The following GDPD4 variants were observed in gnomAD, a reference collection of about 807,000 sequenced individuals.
GDPD4 encodes the protein glycerophosphodiester phosphodiesterase 6.
GDPD4 carries 60 observed loss-of-function variants against 67.8 expected under a neutral mutation model. The ratio of observed to expected loss-of-function variants is 0.88; its 90% CI spans 0.72 to 1.10. GDPD4 has a LOEUF of 1.10. Among genes scored for constraint, GDPD4 ranks in the 50% least tolerant of loss-of-function variants. The pLI is 0.00. For synonymous variants in GDPD4, 212 were observed against 210.9 expected (o/e 1.00, Z -0.04); for missense variants, 623 against 613.9 (o/e 1.01, Z -0.16).
intron 16 of GDPD4, among the ~76,000 whole-genome samples, chr11:77,223,462 T>C (rs781539429): frequency 3.3e-5 from 5 of 152,192 alleles, no homozygotes; most frequent in Non-Finnish European, 7.3e-5. Flanking sequence ...TGCAGGTCTA[T>C]TGGGGGAGTT....
chr11:77,280,644 C>G (rs561817177), intron 3 of GDPD4, among the ~76,000 whole-genome samples: 2 of 152,282 alleles, frequency 1.3e-5, no homozygotes, highest in East Asian at 3.9e-4. Flanking sequence ...TTTTGGATAT[C>G]AGATCACATG....
In GDPD4 at chr11:77,268,554, G is replaced by A. The variant is rs1030910897; in HGVS notation, c.625-15C>T. On this transcript the variant is annotated splice_polypyrimidine_tract_variant and intron_variant, in intron 9 of 16. Coordinates refer to ENST00000315938, the MANE Select transcript of GDPD4 (RefSeq NM_182833.3). Reference sequence around the variant, plus strand: ...TCAGGCCCCAACTGTAGAAGAAAAGGACATCAGGCCCTAAGCCTCAGAGTC... The same window carrying A: ...TCAGGCCCCAACTGTAGAAGAAAAGAACATCAGGCCCTAAGCCTCAGAGTC... 1.9e-6 allele frequency: 3 copies of A among 1,579,360 alleles called. No homozygotes were observed. The highest frequency in any genetic ancestry group is 1.4e-5 in the African/African-American group (1 of 73,622).
chr11:77,269,187 G>T, intron 8 of GDPD4, 118 bp from the exon 9 acceptor site: 1 of 796,796 alleles, frequency 1.3e-6, no homozygotes, highest in Non-Finnish European at 2.0e-6. Flanking sequence ...CATTGACTGT[G>T]TACTGGCTAA....
intron 11 of GDPD4, among the ~76,000 whole-genome samples, chr11:77,250,938 A>T (rs1391450820): frequency 1.3e-5 from 2 of 152,218 alleles, no homozygotes; most frequent in Non-Finnish European, 2.9e-5. Flanking sequence ...TTTTGGAACT[A>T]AACTCTGTTT....
At chr11:77,283,780 T>C (rs1591576308) in intron 3 of GDPD4, among the ~76,000 whole-genome samples, 1 of 151,928 alleles carries the variant, frequency 6.6e-6, no homozygotes, top group East Asian at 1.9e-4. Flanking sequence ...TTTAATGCTG[T>C]CATATACCTC....
At chr11:77,235,036 T>TTTTTTTTTTTTC (rs1958532944) in intron 13 of GDPD4, among the ~76,000 whole-genome samples, 1 of 104,596 alleles carries the variant, frequency 9.6e-6, no homozygotes, top group Admixed American at 1.1e-4. Context: ...TTTTTTTTTT[T>TTTTTTTTTTTTC]TGACTTTTTA....
At chr11:77,225,869 G>A (rs1256062873) in intron 16 of GDPD4, among the ~76,000 whole-genome samples, 1 of 152,130 alleles carries the variant, frequency 6.6e-6, no homozygotes, top group Non-Finnish European at 1.5e-5. Context: ...CTGTGGTTAT[G>A]GCTGAGGTCC....
intron 1 of GDPD4, among the ~76,000 whole-genome samples, chr11:77,296,197 G>A (rs1937951690): frequency 6.9e-6 from 1 of 145,238 alleles, no homozygotes; most frequent in Non-Finnish European, 1.5e-5. Context: ...CTTGCAGTGA[G>A]CAGAGATCGC....
At chr11:77,282,766 C>T (rs1405564853) in intron 3 of GDPD4, among the ~76,000 whole-genome samples, 1 of 151,584 alleles carries the variant, frequency 6.6e-6, no homozygotes, top group African/African-American at 2.4e-5. Context: ...TGGATGTAAG[C>T]TCAAATAAAA....
Position 77,271,145 on chromosome 11 carries a change from A to G in GDPD4, c.385T>C (p.Cys129Arg), listed in dbSNP as rs1489525523. 6.2e-7 allele frequency: 1 copy of G among 1,610,526 alleles called. No individual in the cohort carries two copies. Among genetic ancestry groups the G allele is most frequent in the Non-Finnish European group, 8.5e-7 (1 of 1,177,824 alleles). The change falls in exon 7 of 17, where the codon TGT becomes CGT. Residue 129 changes from cysteine to arginine, a missense_variant. Physicochemically the swap from Cys to Arg is radical, Grantham distance 180. Coordinates refer to ENST00000315938, the MANE Select transcript of GDPD4 (RefSeq NM_182833.3). ...TGTGACATACCTTCTCTTTCCAAAC[A>G]TGCCACGTAGAAGGCCACAGGCCAG... ...LFWPVAFYVA[C>R]LEREVRMRRY...
In GDPD4 at chr11:77,216,571, G is replaced by C. The variant is rs1049280119; in HGVS notation, c.*706C>G. ...ACTACCTCTGGCTTCCTGAGAGGTT[G>C]CCTTTACTTATATGCACAGTCACTC... On this transcript the variant is annotated 3_prime_UTR_variant, in exon 17 of 17. Coordinates refer to ENST00000315938, the MANE Select transcript of GDPD4 (RefSeq NM_182833.3). 3.9e-6 allele frequency: 1 copy of C among 259,464 alleles called. No individual in the cohort carries two copies. The highest frequency in any genetic ancestry group is 2.2e-5 in the African/African-American group (1 of 45,108). The allele number at this position is 259,464 out of a possible 1,614,324, so 16.1% of individuals were successfully genotyped here.
chr11:77,266,330 T>C (rs951889402), intron 10 of GDPD4, among the ~76,000 whole-genome samples: 1 of 152,156 alleles, frequency 6.6e-6, no homozygotes, highest in African/African-American at 2.4e-5. Flanking sequence ...GCCGTAATAT[T>C]GTAGCACAAT....
chr11:77,241,116 A>G (rs571374518), intron 13 of GDPD4, among the ~76,000 whole-genome samples: 1 of 152,354 alleles, frequency 6.6e-6, no homozygotes, highest in Admixed American at 6.5e-5. Context: ...TGTCAAAGAG[A>G]TATCTGTACT....
chr11:77,220,240 C>G (rs1213139154), intron 16 of GDPD4, among the ~76,000 whole-genome samples: 5 of 152,224 alleles, frequency 3.3e-5, no homozygotes, highest in Non-Finnish European at 5.9e-5. Flanking sequence ...ACTTCCAACA[C>G]TATGTTGAAT....
At chr11:77,254,864 T>C (rs1361817929) in intron 11 of GDPD4, among the ~76,000 whole-genome samples, 1 of 152,188 alleles carries the variant, frequency 6.6e-6, no homozygotes, top group Non-Finnish European at 1.5e-5. Flanking sequence ...GATCAATCAA[T>C]AATCATACCC....
intron 1 of GDPD4, among the ~76,000 whole-genome samples, chr11:77,290,231 G>T (rs966888523): frequency 1.3e-4 from 20 of 152,190 alleles, no homozygotes; most frequent in African/African-American, 4.8e-4. Flanking sequence ...CACGATAGGA[G>T]AGGATGGCCT....
Position 77,296,250 on chromosome 11 carries a change from CA to C in GDPD4, c.-254+5354del, listed in dbSNP as rs200238027. Among the ~76,000 whole-genome samples, 691 of 103,370 alleles carry C rather than the reference CA, an allele frequency of 6.7e-3. 7 individuals carry two copies. Among genetic ancestry groups the C allele is most frequent in the African/African-American group, 0.022 (578 of 26,726 alleles). The allele number at this position is 103,370 out of a possible 152,430, so 67.8% of individuals were successfully genotyped here. ...TGCGGGACAGAGCAAGACTTCGTCT[CA>C]AAAAAAAAAAAAAAAAAAGAAAAGA... is the stretch of plus-strand genomic sequence containing the variant. On this transcript the variant is annotated intron_variant, in intron 1 of 16. Transcript: ENST00000315938.
intron 11 of GDPD4, among the ~76,000 whole-genome samples, chr11:77,248,191 T>C (rs79812066): frequency 0.024 from 3,666 of 150,458 alleles, 166 homozygotes; most frequent in African/African-American, 0.085. Context: ...TGAACAACAA[T>C]ACAATTTTCT....
At position 77,289,399 on chromosome 11, in the gene GDPD4, C is replaced by T. The variant is rs894754621; in HGVS notation, c.-253-1979G>A. 4.3e-5 allele frequency among the ~76,000 whole-genome samples: 6 copies of T among 140,752 alleles called. No homozygotes were observed. The East Asian group carries it at 6.6e-4, about 15-fold the overall frequency. The allele number at this position is 140,752 out of a possible 152,430, so 92.3% of individuals were successfully genotyped here. A position where few individuals can be genotyped will look rare whatever the true frequency, so the allele number is the denominator to read the frequency against. On this transcript the variant is annotated intron_variant, in intron 1 of 16. Coordinates refer to ENST00000315938, the MANE Select transcript of GDPD4 (RefSeq NM_182833.3). ...GAGGGGAGGGGAAAAGGAGGGAAGA[C>T]GGAAAGAGACAGAGAGAGAAAGAGA...
Sources: gnomAD v4.1 joint callset for allele counts (sites outside exome capture counted in the v4.1 genomes callset) on GRCh38, gnomAD v4.1.1 for gene constraint, MANE v1.5 for transcripts, NCBI Gene and HGNC (gene_info 2026-07-23, HGNC 2026-07-21) for gene names.